NXPE2: variants seen among roughly 807,000 people sequenced by gnomAD.
NXPE2 encodes neurexophilin and PC-esterase domain family member 2.
A neutral mutation model predicts 34.4 loss-of-function variants in NXPE2; 34 were observed. That is an observed-to-expected ratio of 0.99 (90% confidence interval 0.75 to 1.31). The LOEUF is 1.31. Ranked by LOEUF, NXPE2 falls within the 40% of genes most tolerant of loss-of-function variation. The pLI, the probability that NXPE2 is intolerant of heterozygous loss-of-function variation, is 0.00. For missense variants in NXPE2, 649 were observed against 672.5 expected (o/e 0.97, Z 0.39); for synonymous variants, 235 against 231.3 (o/e 1.02, Z -0.15).
At chr11:114,725,972 A>ATATATATATATATATAT in the NXPE2 span, among the ~76,000 whole-genome samples, 313 of 14,024 alleles carry the variant, frequency 0.022, 2 homozygotes, top group African/African-American at 0.04. Flanking sequence ...TATAATAAAA[A>ATATATATATATATATAT]AAAAATATAT....
chr11:114,809,266 C>A, the NXPE2 span, among the ~76,000 whole-genome samples: 1 of 151,934 alleles, frequency 6.6e-6, no homozygotes, highest in African/African-American at 2.4e-5. Flanking sequence ...GGGAAGCATT[C>A]CCTTTGAAAA....
the NXPE2 span, among the ~76,000 whole-genome samples, chr11:114,603,422 TA>T: frequency 1.3e-5 from 2 of 151,426 alleles, no homozygotes; most frequent in Non-Finnish European, 2.9e-5. Flanking sequence ...GGATGATAAG[TA>T]TTGCCTCGTC....
chr11:114,530,262 T>A, the NXPE2 span: 1 of 1,614,028 alleles, frequency 6.2e-7, no homozygotes, highest in Non-Finnish European at 8.5e-7. Flanking sequence ...ACAGGGCATG[T>A]GTTGAGGCTT....
At chr11:114,803,391 T>C in the NXPE2 span, among the ~76,000 whole-genome samples, 34 of 152,228 alleles carry the variant, frequency 2.2e-4, no homozygotes, top group African/African-American at 8.0e-4. Context: ...CTGGTGGCTA[T>C]AACAAGATAC....
the NXPE2 span, among the ~76,000 whole-genome samples, chr11:114,574,506 A>T: frequency 6.6e-6 from 1 of 152,106 alleles, no homozygotes; most frequent in Non-Finnish European, 1.5e-5. Context: ...AATTAGAAAT[A>T]AAACAGGAGA....
At chr11:114,700,376 G>A in intron 3 of NXPE2, among the ~76,000 whole-genome samples, 1 of 152,148 alleles carries the variant, frequency 6.6e-6, no homozygotes, top group East Asian at 1.9e-4. Context: ...CTTGTCTTGA[G>A]CAGCAACCTG....
upstream of NXPE2, among the ~76,000 whole-genome samples, chr11:114,676,401 T>C (rs1021308688): frequency 6.6e-6 from 1 of 151,642 alleles, no homozygotes; most frequent in Non-Finnish European, 1.5e-5. Flanking sequence ...AGAACTCAAA[T>C]AAGTTAATAG....
the NXPE2 span, among the ~76,000 whole-genome samples, chr11:114,809,922 A>T: frequency 6.9e-6 from 1 of 144,182 alleles, no homozygotes; most frequent in Non-Finnish European, 1.5e-5. Context: ...GAGGCATCAC[A>T]CTACCTGACT....
chr11:114,809,343 G>A, the NXPE2 span, among the ~76,000 whole-genome samples: 1 of 151,838 alleles, frequency 6.6e-6, no homozygotes, highest in Non-Finnish European at 1.5e-5. Flanking sequence ...ATTCTGGCCT[G>A]AGCAATCAGG....
chr11:114,755,199 C>G, the NXPE2 span, among the ~76,000 whole-genome samples: 5 of 152,290 alleles, frequency 3.3e-5, no homozygotes, highest in South Asian at 1.0e-3. Context: ...ATAGAATTAA[C>G]AGCATGTTAG....
chr11:114,723,024 A>C, the NXPE2 span, among the ~76,000 whole-genome samples: 1 of 152,228 alleles, frequency 6.6e-6, no homozygotes, highest in African/African-American at 2.4e-5. Context: ...TAAAGTTTGA[A>C]AACCTTCAAA....
chr11:114,642,864 AT>A, the NXPE2 span, among the ~76,000 whole-genome samples: 1 of 152,036 alleles, frequency 6.6e-6, no homozygotes, highest in South Asian at 2.1e-4. Flanking sequence ...GGTTGAACTA[AT>A]TTACACTCTC....
chr11:114,605,775 C>A, the NXPE2 span, among the ~76,000 whole-genome samples: 8 of 151,746 alleles, frequency 5.3e-5, no homozygotes, highest in East Asian at 1.9e-4. Flanking sequence ...TCACTGTTAA[C>A]CAGTGGATAA....
the NXPE2 span, among the ~76,000 whole-genome samples, chr11:114,470,682 C>G: frequency 1.3e-5 from 2 of 150,790 alleles, no homozygotes; most frequent in Admixed American, 1.3e-4. Flanking sequence ...GCTGGCAAGT[C>G]CAAAATCTGT....
the NXPE2 span, among the ~76,000 whole-genome samples, chr11:114,493,111 A>G: frequency 6.6e-6 from 1 of 152,164 alleles, no homozygotes; most frequent in Non-Finnish European, 1.5e-5. Flanking sequence ...TATTTGATAT[A>G]AGTATAGCTA....
At chr11:114,801,299 T>C in the NXPE2 span, among the ~76,000 whole-genome samples, 1 of 152,160 alleles carries the variant, frequency 6.6e-6, no homozygotes, top group Non-Finnish European at 1.5e-5. Flanking sequence ...CTCTGAGGCA[T>C]TGGAATGATG....
At chr11:114,599,885 A>C in the NXPE2 span, among the ~76,000 whole-genome samples, 1 of 152,158 alleles carries the variant, frequency 6.6e-6, no homozygotes, top group Non-Finnish European at 1.5e-5. Context: ...TTGGGCAGGG[A>C]CACAGATCCA....
At chr11:114,473,394 TA>T in the NXPE2 span, among the ~76,000 whole-genome samples, 5 of 152,172 alleles carry the variant, frequency 3.3e-5, no homozygotes, top group Non-Finnish European at 7.4e-5. Flanking sequence ...AGTTTCTAAA[TA>T]ACAAATTTCC....
the NXPE2 span, chr11:114,583,109 T>A: frequency 7.3e-7 from 1 of 1,371,796 alleles, no homozygotes; most frequent in Non-Finnish European, 9.9e-7. Flanking sequence ...GCTATGAAAT[T>A]AACATGTTCC....
Sources: gnomAD v4.1 joint callset for allele counts (sites outside exome capture counted in the v4.1 genomes callset) on GRCh38, gnomAD v4.1.1 for gene constraint, MANE v1.5 for transcripts, NCBI Gene and HGNC (gene_info 2026-07-23, HGNC 2026-07-21) for gene names.